The following DCDC2C variants were observed in gnomAD, a reference collection of about 807,000 sequenced individuals.
The protein encoded by DCDC2C is doublecortin domain containing 2C.
Under a neutral mutation model 45.0 loss-of-function variants are expected in DCDC2C, and 44 were observed. The ratio of observed to expected loss-of-function variants is 0.98; its 90% CI spans 0.77 to 1.26. The LOEUF (loss-of-function observed/expected upper bound fraction) is 1.26, where lower values mean the gene tolerates loss of function less well. DCDC2C is among the 50% of genes most tolerant of loss of function. DCDC2C has a pLI of 0.00. For synonymous variants in DCDC2C, 187 were observed against 178.8 expected, an observed-to-expected ratio of 1.05 and a Z score of -0.37; for missense variants, 447 against 468.9, an observed-to-expected ratio of 0.95 and a Z score of 0.43.
chr2:3,724,941 T>C (rs1384704330), intron 2 of DCDC2C, among the ~76,000 whole-genome samples: 1 of 152,142 alleles, frequency 6.6e-6, no homozygotes, highest in African/African-American at 2.4e-5. Flanking sequence ...TGGACTCAGA[T>C]GCTGAGCTGC....
At chr2:3,750,143 C>A (rs1017122741) in intron 4 of DCDC2C, among the ~76,000 whole-genome samples, 4 of 152,070 alleles carry the variant, frequency 2.6e-5, no homozygotes, top group South Asian at 2.1e-4. Context: ...AGTCAGCAAG[C>A]CTTGGAGATT....
At chr2:3,704,940 T>C (rs905244039) in intron 1 of DCDC2C, among the ~76,000 whole-genome samples, 1 of 152,200 alleles carries the variant, frequency 6.6e-6, no homozygotes, top group Non-Finnish European at 1.5e-5. Context: ...TCAGCTGCTT[T>C]TCTCTCCTGA....
chr2:3,839,469 A>G (rs1672156526), intron 10 of DCDC2C, among the ~76,000 whole-genome samples: 1 of 152,236 alleles, frequency 6.6e-6, no homozygotes, highest in African/African-American at 2.4e-5. Flanking sequence ...TTCAAATCAC[A>G]TAATACTTTA....
intron 4 of DCDC2C, among the ~76,000 whole-genome samples, chr2:3,748,133 C>T (rs888855935): frequency 2.0e-5 from 3 of 152,000 alleles, no homozygotes; most frequent in African/African-American, 4.8e-5. Flanking sequence ...GCAGACCTCG[C>T]TGAGAGGTTT....
chr2:3,821,717 C>A (rs2148224642), intron 10 of DCDC2C, among the ~76,000 whole-genome samples: 1 of 152,352 alleles, frequency 6.6e-6, no homozygotes, highest in African/African-American at 2.4e-5. Context: ...GCCAGACTTG[C>A]ATTCCTGGGG....
At chr2:3,708,262 A>T (rs541734077) in intron 1 of DCDC2C, among the ~76,000 whole-genome samples, 1 of 152,218 alleles carries the variant, frequency 6.6e-6, no homozygotes, top group South Asian at 2.1e-4. Context: ...GAATTAGATG[A>T]TTTCTCAGGT....
At chr2:3,810,817 C>A (rs1041620920) in intron 10 of DCDC2C, among the ~76,000 whole-genome samples, 1 of 152,170 alleles carries the variant, frequency 6.6e-6, no homozygotes, top group African/African-American at 2.4e-5. Flanking sequence ...GTTTTCCTAC[C>A]ACCATTTGCT....
chr2:3,772,837 C>A (rs1670213289), intron 8 of DCDC2C, among the ~76,000 whole-genome samples: 1 of 152,210 alleles, frequency 6.6e-6, no homozygotes, highest in African/African-American at 2.4e-5. Context: ...GGCTTATGGG[C>A]AGGTGTTGGG....
intron 6 of DCDC2C, among the ~76,000 whole-genome samples, chr2:3,755,176 CAT>C (rs1437961371): frequency 6.6e-6 from 1 of 151,808 alleles, no homozygotes; most frequent in African/African-American, 2.4e-5. Flanking sequence ...TGTATGGATG[CAT>C]GTGTGTGTAT....
At chr2:3,715,886 A>C (rs1222614309) in intron 2 of DCDC2C, among the ~76,000 whole-genome samples, 5 of 152,182 alleles carry the variant, frequency 3.3e-5, no homozygotes. Context: ...GGGGATATGA[A>C]ATGTCATGCT....
chr2:3,808,508 C>A (rs1009548523), intron 10 of DCDC2C, among the ~76,000 whole-genome samples: 6 of 152,152 alleles, frequency 3.9e-5, no homozygotes, highest in African/African-American at 1.4e-4. Context: ...TCTCCTGCCT[C>A]AGCCTTCTGA....
intron 10 of DCDC2C, among the ~76,000 whole-genome samples, chr2:3,823,072 A>AT (rs1478915901): frequency 1.3e-5 from 2 of 152,146 alleles, no homozygotes; most frequent in Admixed American, 1.3e-4. Context: ...TCTTTTGTAA[A>AT]TCTCCCAGTC....
intron 8 of DCDC2C, among the ~76,000 whole-genome samples, chr2:3,777,422 G>A (rs1670374107): frequency 1.3e-5 from 2 of 152,240 alleles, no homozygotes; most frequent in South Asian, 4.1e-4. Context: ...AATCACTTGT[G>A]TCTTCTGGCA....
chr2:3,763,149 T>G (rs1669928521), intron 6 of DCDC2C, among the ~76,000 whole-genome samples: 1 of 152,152 alleles, frequency 6.6e-6, no homozygotes, highest in Non-Finnish European at 1.5e-5. Context: ...AGTCAAGTCT[T>G]ACCTGTTCCA....
chr2:3,755,067 G>A (rs575273438), intron 6 of DCDC2C, among the ~76,000 whole-genome samples: 27 of 152,178 alleles, frequency 1.8e-4, no homozygotes, highest in South Asian at 4.1e-4. Context: ...GCACATGTGC[G>A]TGTGTGTGAA....
intron 10 of DCDC2C, among the ~76,000 whole-genome samples, chr2:3,787,878 G>A (rs1670695184): frequency 6.6e-6 from 1 of 152,170 alleles, no homozygotes; most frequent in Admixed American, 6.5e-5. Context: ...TCAGTATTGA[G>A]GATATTTTCA....
chr2:3,704,944 C>G (rs1284500257), intron 1 of DCDC2C, among the ~76,000 whole-genome samples: 1 of 152,170 alleles, frequency 6.6e-6, no homozygotes, highest in Non-Finnish European at 1.5e-5. Flanking sequence ...CTGCTTTTCT[C>G]TCCTGATTCT....
chr2:3,840,478 AGAAGGT>A (rs1672186122), intron 10 of DCDC2C, among the ~76,000 whole-genome samples: 1 of 152,252 alleles, frequency 6.6e-6, no homozygotes, highest in South Asian at 2.1e-4. Context: ...CTGTAATTTC[AGAAGGT>A]ACAATTTGCA....
At chr2:3,802,284 G>A (rs1047399017) in intron 10 of DCDC2C, among the ~76,000 whole-genome samples, 1 of 152,220 alleles carries the variant, frequency 6.6e-6, no homozygotes, top group African/African-American at 2.4e-5. Context: ...GAACTCTGGG[G>A]TGAAAGTCAG....
Sources: gnomAD v4.1 joint callset for allele counts (sites outside exome capture counted in the v4.1 genomes callset) on GRCh38, gnomAD v4.1.1 for gene constraint, MANE v1.5 for transcripts, NCBI Gene and HGNC (gene_info 2026-07-23, HGNC 2026-07-21) for gene names.